ZNF81: variants seen among roughly 807,000 people sequenced by gnomAD.
ZNF81 encodes the protein zinc finger protein 81 (HFZ20).
Under a neutral mutation model 32.3 loss-of-function variants are expected in ZNF81, and 5 were observed. The observed-to-expected ratio is 0.15, with a 90% CI of 0.08 to 0.33. The LOEUF (loss-of-function observed/expected upper bound fraction) is 0.33. Among genes scored for constraint, ZNF81 ranks in the 10% least tolerant of loss-of-function variants. ZNF81 has a pLI of 1.00. For missense variants in ZNF81, 379 were observed against 479.8 expected, an observed-to-expected ratio of 0.79 and a Z score of 1.96; for synonymous variants, 163 against 166.8, an observed-to-expected ratio of 0.98 and a Z score of 0.17.
At chrX:47,847,803 A>G (rs782759229) in intron 2 of ZNF81, among the ~76,000 whole-genome samples, 2 of 112,577 alleles carry the variant, frequency 1.8e-5, no homozygotes, top group South Asian at 7.3e-4. Flanking sequence ...GAATACATAT[A>G]ACTGTATAAA....
intron 3 of ZNF81, among the ~76,000 whole-genome samples, chrX:47,893,434 G>A (rs1368058692): frequency 2.7e-5 from 3 of 111,201 alleles, no homozygotes; most frequent in African/African-American, 9.8e-5. Flanking sequence ...ACAGGAAACA[G>A]GTAGAGTTGG....
Position 47,850,918 on chromosome X carries a change from CACACACACACACACACAA to C in ZNF81, c.54+4598_54+4615del, listed in dbSNP as rs1556881140. 7.2e-4 allele frequency among the ~76,000 whole-genome samples: 71 copies of C among 98,429 alleles called. 2 individuals carry two copies. Among genetic ancestry groups the C allele is most frequent in the East Asian group, 1.7e-3 (5 of 2,917 alleles). 85.5% of individuals were successfully genotyped at this position (98,429 alleles called of 115,157 possible). A position where few individuals can be genotyped will look rare whatever the true frequency, so the allele number is the denominator to read the frequency against. ...ACACACACACACACACACACACACA[CACACACACACACACACAA>C]CCCAACACCCCTATATCCATTTTTA... On this transcript the variant is annotated intron_variant, in intron 2 of 4. Coordinates refer to ENST00000338637, the MANE Select transcript of ZNF81 (RefSeq NM_007137.5).
rs189475653 is a variant in ZNF81, at chrX:47,917,279, A to C, written c.*647A>C. 1.0e-5 allele frequency: 3 copies of C among 295,783 alleles called. No individual in the cohort carries two copies. The East Asian group carries it at 1.4e-4, about 14-fold the overall frequency. 24.4% of individuals were successfully genotyped at this position (295,783 alleles called of 1,213,427 possible). ...ATATATACACACATCTGCAGATATA[A>C]TTTTATAAGAACACACAAATATAAT... On this transcript the variant is annotated 3_prime_UTR_variant, in exon 5 of 5. Transcript: ENST00000338637.
intron 2 of ZNF81, among the ~76,000 whole-genome samples, chrX:47,866,354 T>G (rs998126155): frequency 4.5e-5 from 5 of 110,576 alleles, no homozygotes; most frequent in Non-Finnish European, 7.6e-5. Flanking sequence ...AAGAAAAGAG[T>G]TTTATTATTG....
chrX:47,839,790 A>C (rs782169756), intron 1 of ZNF81, among the ~76,000 whole-genome samples: 1 of 111,861 alleles, frequency 8.9e-6, no homozygotes, highest in East Asian at 2.8e-4. Context: ...ATGTGCACAA[A>C]GTTGTTGTGG....
At chrX:47,887,414 A>G (rs1182686263) in intron 2 of ZNF81, among the ~76,000 whole-genome samples, 2 of 112,116 alleles carry the variant, frequency 1.8e-5, no homozygotes, top group Non-Finnish European at 3.8e-5. Context: ...ACAACACTCA[A>G]CCAACTTGAT....
intron 2 of ZNF81, among the ~76,000 whole-genome samples, chrX:47,855,752 A>G (rs1473248984): frequency 9.0e-6 from 1 of 111,147 alleles, no homozygotes; most frequent in Non-Finnish European, 1.9e-5. Context: ...ATTTCCTACT[A>G]AAGAATTGAG....
At chrX:47,888,183 C>T (rs2148029324) in intron 3 of ZNF81, 58 bp downstream of exon 3, 2 of 1,174,924 alleles carry the variant, frequency 1.7e-6, no homozygotes, top group Non-Finnish European at 2.3e-6. Flanking sequence ...AATTGTGCCC[C>T]CAAATAAAAT....
At chrX:47,895,711 C>T (rs11796175) in intron 3 of ZNF81, 134 bp from the exon 4 acceptor site, 208,991 of 530,391 alleles carry the variant, frequency 0.39, 29,195 homozygotes, top group Non-Finnish European at 0.44. Context: ...TCCTCCTTGA[C>T]TTGTCTGAGA....
chrX:47,884,583 G>A (rs7471484), intron 2 of ZNF81, among the ~76,000 whole-genome samples: 1 of 111,938 alleles, frequency 8.9e-6, no homozygotes, highest in Non-Finnish European at 1.9e-5. Context: ...CTAAGTTTTA[G>A]AGTGATTTGC....
At chrX:47,854,013 T>A (rs782697213) in intron 2 of ZNF81, among the ~76,000 whole-genome samples, 1 of 112,951 alleles carries the variant, frequency 8.9e-6, no homozygotes, top group Non-Finnish European at 1.9e-5. Flanking sequence ...TTAATCTGCA[T>A]TGAAAATCTG....
At chrX:47,874,360 C>T (rs940592690) in intron 2 of ZNF81, among the ~76,000 whole-genome samples, 1 of 112,165 alleles carries the variant, frequency 8.9e-6, no homozygotes, top group African/African-American at 3.2e-5. Flanking sequence ...GACAGGTCAT[C>T]TTCCAATCCC....
Position 47,921,740 on chromosome X carries a change from G to A in ZNF81, c.*5108G>A, listed in dbSNP as rs1195292650. On this transcript the variant is annotated 3_prime_UTR_variant, in exon 5 of 5. Transcript: ENST00000338637. ...TAGGGGAAACCTGCTGCTACATCAT[G>A]AGATAGCCCTGTGGAAAGGTCCACA... 9.0e-6 allele frequency: 1 copy of A among 111,035 alleles called. No homozygotes were observed. Among genetic ancestry groups the A allele is most frequent in the Non-Finnish European group, 1.9e-5 (1 of 52,997 alleles). 9.2% of individuals were successfully genotyped at this position (111,035 alleles called of 1,213,427 possible).
intron 2 of ZNF81, among the ~76,000 whole-genome samples, chrX:47,871,219 T>G (rs782714356): frequency 8.9e-6 from 1 of 112,062 alleles, no homozygotes; most frequent in Admixed American, 9.5e-5. Flanking sequence ...ATATTAATTT[T>G]CCATGAGATA....
In ZNF81 at chrX:47,916,041, T is replaced by C. The variant is rs781887450; in HGVS notation, c.1395T>C (p.Thr465=). ...TGATTGCACATCAAAGAATTCATAC[T>C]GGAGAGAAGCCTTATGAATGCAGTG... The part of the protein sequence containing the change: ...AHLIAHQRIH[T]GEKPYECSDC... The change falls in exon 5 of 5, where the codon ACT becomes ACC. Residue 465 remains threonine, a synonymous_variant. Coordinates refer to ENST00000338637, the MANE Select transcript of ZNF81 (RefSeq NM_007137.5). 1 of 1,211,670 alleles carries C rather than the reference T, an allele frequency of 8.3e-7. No individual in the cohort carries two copies. The highest frequency in any genetic ancestry group is 1.8e-5 in the South Asian group (1 of 56,995).
At chrX:47,854,491 G>A (rs1339547213) in intron 2 of ZNF81, among the ~76,000 whole-genome samples, 2 of 112,154 alleles carry the variant, frequency 1.8e-5, no homozygotes, top group Non-Finnish European at 3.8e-5. Flanking sequence ...GCTTTCAACA[G>A]GCCTTCCTCA....
chrX:47,857,734 C>T (rs1301405979), intron 2 of ZNF81, among the ~76,000 whole-genome samples: 3 of 111,747 alleles, frequency 2.7e-5, no homozygotes, highest in African/African-American at 6.5e-5. Flanking sequence ...TATCCACTCC[C>T]AGCCAAGGCG....
intron 2 of ZNF81, among the ~76,000 whole-genome samples, chrX:47,855,781 G>T (rs1440483512): frequency 9.0e-6 from 1 of 110,840 alleles, no homozygotes; most frequent in Non-Finnish European, 1.9e-5. Context: ...GGGTGTGGTG[G>T]CTTATGCCTG....
chrX:47,916,341 G>C lies in ZNF81; in HGVS notation c.1695G>C (p.Gln565His). Residue 565 changes from glutamine (Q) to histidine (H), a missense_variant, in exon 5 of 5, where the codon CAG (glutamine) becomes CAC (histidine). Physicochemically the swap from Gln to His is conservative, Grantham distance 24. Coordinates refer to ENST00000338637, the MANE Select transcript of ZNF81 (RefSeq NM_007137.5). Reference sequence around the variant, plus strand: ...CTGATTGTGGGAGGGCCTTCATCCAGAAGTCAGAGTTGATTACACATCAGA... The same window carrying C: ...CTGATTGTGGGAGGGCCTTCATCCACAAGTCAGAGTTGATTACACATCAGA... ...VCADCGRAFI[Q>H]KSELITHQRI... The C allele has an allele frequency of 8.3e-7, 1 of 1,211,699 alleles. No individual in the cohort carries two copies. Among genetic ancestry groups the C allele is most frequent in the Non-Finnish European group, 1.1e-6 (1 of 895,521 alleles).
Sources: gnomAD v4.1 joint callset for allele counts (sites outside exome capture counted in the v4.1 genomes callset) on GRCh38, gnomAD v4.1.1 for gene constraint, MANE v1.5 for transcripts, NCBI Gene and HGNC (gene_info 2026-07-23, HGNC 2026-07-21) for gene names.